SPATA31C2: variants seen among roughly 807,000 people sequenced by gnomAD.
SPATA31C2 encodes the protein spermatogenesis-associated protein 31C2.
Under a neutral mutation model 11.4 loss-of-function variants are expected in SPATA31C2, and 5 were observed. The ratio of observed to expected loss-of-function variants is 0.44; its 90% CI spans 0.23 to 0.92. The LOEUF (loss-of-function observed/expected upper bound fraction) is 0.92, where lower values mean the gene tolerates loss of function less well. SPATA31C2 is among the 40% of genes least tolerant of loss of function. The probability of loss-of-function intolerance (pLI) is 0.24; values close to 1 mark genes in which losing one functional copy is unlikely to be tolerated. For synonymous variants in SPATA31C2, 515 were observed against 538.7 expected, an observed-to-expected ratio of 0.96 and a Z score of 0.61; for missense variants, 1,353 against 1,368.6, an observed-to-expected ratio of 0.99 and a Z score of 0.18.
Position 88,132,067 on chromosome 9 carries a change from G to A in SPATA31C2, c.970C>T (p.Gln324Ter), listed in dbSNP as rs1563962480. ...TTMSPLLFQA[Q>*]PLSHLEPESQ... ...TCAGGCTCCAGATGGGACAGGGGCTGGGCCTGGAAAAGCAGTGGGGACATT... is the reference window on the plus strand; with the variant it reads ...TCAGGCTCCAGATGGGACAGGGGCTAGGCCTGGAAAAGCAGTGGGGACATT... The change falls in exon 4 of 4, where the codon CAG (glutamine) becomes TAG (stop). Residue 324 changes from glutamine to a stop codon, truncating the protein, a stop_gained. Transcript: ENST00000324915. LOFTEE classifies it low-confidence loss of function (END_TRUNC). 6.2e-7 allele frequency: 1 copy of A among 1,610,708 alleles called. No individual in the cohort carries two copies. Among genetic ancestry groups the A allele is most frequent in the Admixed American group, 1.7e-5 (1 of 59,820 alleles).
Position 88,130,771 on chromosome 9 carries a change from A to C in SPATA31C2, c.2266T>G (p.Ser756Ala), listed in dbSNP as rs776883379. ...TGTCCAGCTGTAGGAGCCTTCAAGGACCCATGATCATTCGAAGATGGGATC... is the reference window on the plus strand; with the variant it reads ...TGTCCAGCTGTAGGAGCCTTCAAGGCCCCATGATCATTCGAAGATGGGATC... Reference protein sequence around the residue: ...RGIPSSNDHGSLKAPTAGQEG... With the variant: ...RGIPSSNDHGALKAPTAGQEG... Residue 756 changes from serine to alanine, a missense_variant, in exon 4 of 4, where the codon TCC (serine) becomes GCC (alanine). By Grantham distance (99) the Ser-to-Ala change is moderately conservative (BLOSUM62 1). Transcript: ENST00000324915. 8.6e-5 allele frequency: 138 copies of C among 1,613,058 alleles called. No homozygotes were observed. Among genetic ancestry groups the C allele is most frequent in the Non-Finnish European group, 1.1e-4 (134 of 1,179,874 alleles).
intron 1 of SPATA31C2, among the ~76,000 whole-genome samples, chr9:88,136,975 A>G (rs1825690431): frequency 7.7e-6 from 1 of 130,542 alleles, no homozygotes; most frequent in Admixed American, 8.8e-5. Flanking sequence ...TATCTATTGC[A>G]ATAATCCCTC....
At position 88,132,247 on chromosome 9, in the gene SPATA31C2, C is replaced by G. The variant is rs765632499; in HGVS notation, c.790G>C (p.Glu264Gln). ...DTVPQSLSPR[E>Q]DLAASVPGIS... ...CCTGGGACAGAAGCCGCCAAATCCT[C>G]ACGTGGAGACAAGCTTTGAGGGACG... is the stretch of plus-strand genomic sequence containing the variant. Residue 264 changes from glutamate to glutamine, a missense_variant, in exon 4 of 4, where the codon GAG becomes CAG. Coordinates refer to ENST00000324915, the MANE Select transcript of SPATA31C2 (RefSeq NM_001350978.3). 1 of 1,610,776 alleles carries G rather than the reference C, an allele frequency of 6.2e-7. No individual in the cohort carries two copies. The highest frequency in any genetic ancestry group is 8.5e-7 in the Non-Finnish European group (1 of 1,177,690).
In SPATA31C2 at chr9:88,130,757, A is replaced by G; in HGVS notation, c.2280T>C (p.Pro760=). The change falls in exon 4 of 4, where the codon CCT becomes CCC. Residue 760 remains proline, a synonymous_variant. Transcript: ENST00000324915. ...GCCACCTGCCCTCCTGTCCAGCTGT[A>G]GGAGCCTTCAAGGACCCATGATCAT... is the stretch of plus-strand genomic sequence containing the variant. ...SSNDHGSLKA[P]TAGQEGRWPS... 6.2e-7 allele frequency: 1 copy of G among 1,613,310 alleles called. No homozygotes were observed. Among genetic ancestry groups the G allele is most frequent in the Non-Finnish European group, 8.5e-7 (1 of 1,179,866 alleles).
At position 88,130,498 on chromosome 9, in the gene SPATA31C2, T is replaced by C. The variant is rs778975162; in HGVS notation, c.2539A>G (p.Arg847Gly). 6.2e-7 allele frequency: 1 copy of C among 1,613,530 alleles called. No homozygotes were observed. Among genetic ancestry groups the C allele is most frequent in the Non-Finnish European group, 8.5e-7 (1 of 1,179,610 alleles). ...GCCTCCTCCATGAGACACAGCTTTC[T>C]TGGGTCTTGGGAGACAGACATTCTA... ...LPRMSVSQDPRKLCLMEEAVS... is the reference protein window; with the variant it reads ...LPRMSVSQDPGKLCLMEEAVS... The change falls in exon 4 of 4, where the codon AGA (arginine) becomes GGA (glycine). Residue 847 changes from arginine (R) to glycine (G), a missense_variant. Coordinates refer to ENST00000324915, the MANE Select transcript of SPATA31C2 (RefSeq NM_001350978.3).
intron 1 of SPATA31C2, among the ~76,000 whole-genome samples, chr9:88,137,917 C>T (rs1279038435): frequency 9.6e-6 from 1 of 103,932 alleles, no homozygotes; most frequent in Non-Finnish European, 1.7e-5. Flanking sequence ...TGGCCTCGGA[C>T]AGAGACCTCC....
Position 88,131,218 on chromosome 9 carries a change from A to C in SPATA31C2, c.1819T>G (p.Phe607Val), listed in dbSNP as rs1825586556. The stretch of plus-strand genomic sequence containing the variant: ...TTCACGTGGGTGTTGGAGACGGGAA[A>C]AGCCTGGTTGACAGCAAGCCAGGAT... ...RRSWLAVNQA[F>V]PVSNTHVKTS... The change falls in exon 4 of 4, where the codon TTT (phenylalanine) becomes GTT (valine). Residue 607 changes from phenylalanine to valine, a missense_variant. Transcript: ENST00000324915. 1 of 1,611,758 alleles carries C rather than the reference A, an allele frequency of 6.2e-7. No individual in the cohort carries two copies. The highest frequency in any genetic ancestry group is 1.3e-5 in the African/African-American group (1 of 74,860).
chr9:88,130,779 T>A lies in SPATA31C2; in HGVS notation c.2258A>T (p.Asp753Val). Reference sequence around the variant, plus strand: ...TGTAGGAGCCTTCAAGGACCCATGATCATTCGAAGATGGGATCCCTCGCGG... The same window carrying A: ...TGTAGGAGCCTTCAAGGACCCATGAACATTCGAAGATGGGATCCCTCGCGG... ...RAPRGIPSSN[D>V]HGSLKAPTAG... The change falls in exon 4 of 4, where the codon GAT (aspartate) becomes GTT (valine). Residue 753 changes from aspartate to valine, a missense_variant. Coordinates refer to ENST00000324915, the MANE Select transcript of SPATA31C2 (RefSeq NM_001350978.3). 1 of 1,613,128 alleles carries A rather than the reference T, an allele frequency of 6.2e-7. No individual in the cohort carries two copies. The highest frequency in any genetic ancestry group is 8.5e-7 in the Non-Finnish European group (1 of 1,179,876).
intron 1 of SPATA31C2, among the ~76,000 whole-genome samples, chr9:88,135,784 TG>T (rs1193161050): frequency 7.1e-6 from 1 of 140,386 alleles, no homozygotes; most frequent in Non-Finnish European, 1.5e-5. Flanking sequence ...CCCAAAGTGC[TG>T]GGATTACAGG....
chr9:88,134,443 C>T (rs899230533), intron 1 of SPATA31C2, among the ~76,000 whole-genome samples: 11 of 151,480 alleles, frequency 7.3e-5, no homozygotes, highest in African/African-American at 2.6e-4. Context: ...AGGGCCTGGC[C>T]TCGGACAGAG....
chr9:88,133,907 A>G (rs1166295515), intron 1 of SPATA31C2, among the ~76,000 whole-genome samples: 1 of 152,184 alleles, frequency 6.6e-6, no homozygotes, highest in Non-Finnish European at 1.5e-5. Flanking sequence ...CTATAATCCC[A>G]GCACTTTGGG....
chr9:88,131,354 A>C lies in SPATA31C2; in HGVS notation c.1683T>G (p.Ser561Arg). The C allele has an allele frequency of 6.2e-7, 1 of 1,611,844 alleles. No individual in the cohort carries two copies. The highest frequency in any genetic ancestry group is 8.5e-7 in the Non-Finnish European group (1 of 1,179,838). Residue 561 changes from serine (S) to arginine (R), a missense_variant, in exon 4 of 4, where the codon AGT (serine) becomes AGG (arginine). Around this residue, in one of 6 missense-constraint regions of SPATA31C2, gnomAD observed 1,075 missense variants for 992.8 expected, o/e 1.08. Transcript: ENST00000324915. ...TCCTCTCTGTGCGTCTTAATAAATC[A>C]CTTCCTGAGTCACTCCTCAAGGGCT... The part of the protein sequence containing the change: ...LRKPLRSDSG[S>R]DLLRRTERNH...
chr9:88,132,516 G>A lies in SPATA31C2; in HGVS notation c.521C>T (p.Thr174Ile), dbSNP rs773843234. The A allele has an allele frequency of 3.7e-6, 6 of 1,610,772 alleles. No individual in the cohort carries two copies. The African/African-American group carries it at 4.0e-5, about 11-fold the overall frequency. Residue 174 changes from threonine (T) to isoleucine (I), a missense_variant, in exon 4 of 4, where the codon ACC (threonine) becomes ATC (isoleucine). Transcript: ENST00000324915. ...GGTGGTCATTGGGCCTGGTGGTGGG[G>A]TGGAGGCCAGATCCTGAGGATGCTT... ...RTKHPQDLAS[T>I]PPPGPMTTSV... is the part of the protein sequence containing the mutation.
At position 88,133,644 on chromosome 9, in the gene SPATA31C2, G is replaced by C. The variant is rs766942674; in HGVS notation, c.215C>G (p.Ala72Gly). Residue 72 changes from alanine (A) to glycine (G), a missense_variant, in exon 2 of 4, where the codon GCA (alanine) becomes GGA (glycine). Physicochemically the swap from Ala to Gly is moderately conservative, Grantham distance 60. Coordinates refer to ENST00000324915, the MANE Select transcript of SPATA31C2 (RefSeq NM_001350978.3). ...RKRHLVSQRP[A>G]GRRGRPRGRM... ...GCCTCTGGGCCTCCCCCTCCGCCCT[G>C]CTGGACGCTGGGAGACAAGATGACG... The C allele has an allele frequency of 6.3e-7, 1 of 1,584,372 alleles. No homozygotes were observed. Among genetic ancestry groups the C allele is most frequent in the Non-Finnish European group, 8.6e-7 (1 of 1,165,240 alleles).
Position 88,131,062 on chromosome 9 carries a change from A to C in SPATA31C2, c.1975T>G (p.Trp659Gly), listed in dbSNP as rs753094371. The change falls in exon 4 of 4, where the codon TGG (tryptophan) becomes GGG (glycine). Residue 659 changes from tryptophan (W) to glycine (G), a missense_variant. Trp to Gly is a radical substitution (Grantham distance 184, BLOSUM62 -2). This residue lies in a region of SPATA31C2 where 1,075 missense variants were observed against 992.8 expected (regional missense o/e 1.08). Coordinates refer to ENST00000324915, the MANE Select transcript of SPATA31C2 (RefSeq NM_001350978.3). Reference protein sequence around the residue: ...HIVRFWAKHRWGLPLRVLKPI... With the variant: ...HIVRFWAKHRGGLPLRVLKPI... The stretch of plus-strand genomic sequence containing the variant: ...TTGAGGACCCTGAGGGGTAGACCCC[A>C]CCTGTGTTTGGCCCAAAACCTCACA... The C allele has an allele frequency of 1.3e-5, 21 of 1,611,878 alleles. No individual in the cohort carries two copies. In the South Asian group the frequency reaches 2.3e-4, roughly 18 times the overall value.
chr9:88,137,874 C>A (rs1825701031), intron 1 of SPATA31C2, among the ~76,000 whole-genome samples: 1 of 100,732 alleles, frequency 9.9e-6, no homozygotes, highest in Non-Finnish European at 1.7e-5. Context: ...CCACCTGCCC[C>A]AGGAAGGGAC....
In SPATA31C2 at chr9:88,131,348, T is replaced by A; in HGVS notation, c.1689A>T (p.Leu563Phe). 1 of 1,611,982 alleles carries A rather than the reference T, an allele frequency of 6.2e-7. No individual in the cohort carries two copies. The highest frequency in any genetic ancestry group is 8.5e-7 in the Non-Finnish European group (1 of 1,179,868). Residue 563 changes from leucine (L) to phenylalanine (F), a missense_variant, in exon 4 of 4, where the codon TTA becomes TTT. Leu to Phe is a conservative substitution (Grantham distance 22, BLOSUM62 0). Coordinates refer to ENST00000324915, the MANE Select transcript of SPATA31C2 (RefSeq NM_001350978.3). ...TATGATTCCTCTCTGTGCGTCTTAA[T>A]AAATCACTTCCTGAGTCACTCCTCA... ...KPLRSDSGSD[L>F]LRRTERNHIE...
In SPATA31C2 at chr9:88,130,632, G is replaced by C; in HGVS notation, c.2405C>G (p.Pro802Arg). The C allele has an allele frequency of 6.2e-7, 1 of 1,613,772 alleles. No homozygotes were observed. The highest frequency in any genetic ancestry group is 1.3e-5 in the African/African-American group (1 of 75,026). Residue 802 changes from proline (P) to arginine (R), a missense_variant, in exon 4 of 4, where the codon CCA becomes CGA. Coordinates refer to ENST00000324915, the MANE Select transcript of SPATA31C2 (RefSeq NM_001350978.3). ...SRAGETREAV[P>R]QPTVPLGTCM... is the part of the protein sequence containing the mutation. ...GGTTCCCAAGGGGACTGTGGGTTGT[G>C]GCACTGCCTCCCTGGTCTCTCCAGC...
At position 88,133,602 on chromosome 9, in the gene SPATA31C2, C is replaced by T. The variant is rs187019439; in HGVS notation, c.257G>A (p.Ser86Asn). 3,473 of 1,604,156 alleles carry T rather than the reference C, an allele frequency of 2.2e-3. 80 individuals carry two copies. In the African/African-American group the frequency reaches 0.042, roughly 20 times the overall value. ...GRPRGRMKNH[S>N]LRACRECPRG... ...CCCTGGCAGAGCCTTACCTCTCAGACTGTGGTTTTTCATCCTGCCTCTGGG... is the reference window on the plus strand; with the variant it reads ...CCCTGGCAGAGCCTTACCTCTCAGATTGTGGTTTTTCATCCTGCCTCTGGG... Residue 86 changes from serine to asparagine, a missense_variant, in exon 2 of 4, where the codon AGT becomes AAT. Coordinates refer to ENST00000324915, the MANE Select transcript of SPATA31C2 (RefSeq NM_001350978.3).
Sources: gnomAD v4.1 joint callset for allele counts (sites outside exome capture counted in the v4.1 genomes callset) on GRCh38, gnomAD v4.1.1 for gene constraint, gnomAD v4.1.1 regional missense constraint, MANE v1.5 for transcripts, NCBI Gene and HGNC (gene_info 2026-07-23, HGNC 2026-07-21) for gene names.